The following NOC2L variants were observed in gnomAD, a reference collection of about 807,000 sequenced individuals.
The protein encoded by NOC2L is nucleolar complex protein 2 homolog.
NOC2L carries 101 observed loss-of-function variants against 94.2 expected under a neutral mutation model. The ratio of observed to expected loss-of-function variants is 1.07; its 90% CI spans 0.91 to 1.26. NOC2L has a LOEUF of 1.26. NOC2L is among the 50% of genes most tolerant of loss of function. The pLI, the probability that NOC2L is intolerant of heterozygous loss-of-function variation, is 0.00. For synonymous variants in NOC2L, 531 were observed against 413.4 expected (o/e 1.28, Z -3.45); for missense variants, 1,076 against 980.1 (o/e 1.10, Z -1.31).
At chr1:949,032 G>A (rs1239593969) in intron 12 of NOC2L, among the ~76,000 whole-genome samples, 1 of 103,520 alleles carries the variant, frequency 9.7e-6, no homozygotes, top group African/African-American at 3.3e-5. Context: ...CGAGCAACCA[G>A]AAGACGCAGC....
In NOC2L at chr1:945,253, C is replaced by G. The variant is rs544937132; in HGVS notation, c.2054-107G>C. The G allele has an allele frequency of 1.4e-6, 2 of 1,391,366 alleles. 1 individual carries two copies. The highest frequency in any genetic ancestry group is 2.7e-5 in the South Asian group (2 of 72,812). The allele number at this position is 1,391,366 out of a possible 1,614,324, so 86.2% of individuals were successfully genotyped here. ...CAGGCTCCCAACACCCTTCCCTCCG[C>G]TGACTTCCAGCAGGTGGAGAGGAGC... is the stretch of plus-strand genomic sequence containing the variant. On this transcript the variant is annotated intron_variant, in intron 17 of 18. Coordinates refer to ENST00000327044, the MANE Select transcript of NOC2L (RefSeq NM_015658.4).
At chr1:947,987 C>G (rs1315139637) in intron 14 of NOC2L, 144 bp downstream of exon 14, 3 of 666,624 alleles carry the variant, frequency 4.5e-6, no homozygotes, top group African/African-American at 1.8e-5. Context: ...TCCAAGGGGG[C>G]CTCACGGGGC....
At chr1:945,224 T>G (rs1569931512) in intron 17 of NOC2L, 78 bp from the exon 18 acceptor site, 1 of 1,507,982 alleles carries the variant, frequency 6.6e-7, no homozygotes, top group Non-Finnish European at 8.9e-7. Context: ...GGCAGGAGGG[T>G]GGCCAGGCTC....
chr1:958,052 C>T (rs1301081453), intron 2 of NOC2L: 1 of 151,312 alleles, frequency 6.6e-6, no homozygotes, highest in Admixed American at 6.6e-5. Flanking sequence ...TCTCAAACAA[C>T]CACCTCCGCT....
intron 4 of NOC2L, 148 bp downstream of exon 4, chr1:956,746 C>G (rs1557622979): frequency 2.6e-6 from 3 of 1,158,964 alleles, no homozygotes; most frequent in Non-Finnish European, 3.7e-6. Flanking sequence ...CCCCTCCCAC[C>G]AGCACAGCCT....
intron 2 of NOC2L, chr1:958,080 T>C (rs1181717399): frequency 7.1e-6 from 1 of 140,690 alleles, no homozygotes; most frequent in Admixed American, 7.0e-5. Flanking sequence ...TTTTTTTTTT[T>C]TCTCCTGAGG....
chr1:958,757 G>A (rs771273470), intron 2 of NOC2L, 172 bp downstream of exon 2: 5 of 748,588 alleles, frequency 6.7e-6, no homozygotes, highest in Admixed American at 2.0e-5. Flanking sequence ...AGTTTGGCAC[G>A]GAACAGGAGC....
intron 18 of NOC2L, 89 bp downstream of exon 18, chr1:944,968 C>G (rs1642052961): frequency 4.4e-6 from 7 of 1,592,246 alleles, no homozygotes; most frequent in Non-Finnish European, 6.0e-6. Flanking sequence ...AAAGCCTGGC[C>G]CAGAGCCCCA....
At chr1:947,986 G>A in intron 14 of NOC2L, 145 bp downstream of exon 14, 1 of 665,726 alleles carries the variant, frequency 1.5e-6, no homozygotes, top group East Asian at 2.7e-5. Context: ...CTCCAAGGGG[G>A]CCTCACGGGG....
In NOC2L at chr1:952,402, C is replaced by T. The variant is rs1288882379; in HGVS notation, c.1191+10G>A. On this transcript the variant is annotated intron_variant, in intron 10 of 18. Transcript: ENST00000327044. The stretch of plus-strand genomic sequence containing the variant: ...GCCCAGCATGAGCCTGGAAGGGCCC[C>T]ACCACACACCTTCTTGCGAGTGGTC... 1.2e-6 allele frequency: 2 copies of T among 1,612,284 alleles called. No homozygotes were observed. The highest frequency in any genetic ancestry group is 1.7e-6 in the Non-Finnish European group (2 of 1,179,294).
rs1343648805 is a variant in NOC2L, at chr1:945,022, A to G, written c.2143+35T>C. On this transcript the variant is annotated intron_variant, in intron 18 of 18. Coordinates refer to ENST00000327044, the MANE Select transcript of NOC2L (RefSeq NM_015658.4). ...CTCTGCCCTCCCGCCAGATGGGCTC[A>G]CAGGGCCACACCCTCTCACCCCAAG... 3 of 1,613,658 alleles carry G rather than the reference A, an allele frequency of 1.9e-6. No homozygotes were observed. In the Admixed American group the frequency reaches 5.0e-5, roughly 27 times the overall value.
chr1:950,514 G>A (rs931087396), intron 12 of NOC2L, among the ~76,000 whole-genome samples: 1 of 151,800 alleles, frequency 6.6e-6, no homozygotes, highest in Non-Finnish European at 1.5e-5. Flanking sequence ...CACATGCACA[G>A]GTGCACACAC....
chr1:957,087 C>A lies in NOC2L; in HGVS notation c.354+12G>T. Reference sequence around the variant, plus strand: ...ACAAGTGCCCCCCTTCTGGTTTGGCCCACGCCCTCACCTCCAGCACATCTG... The same window carrying A: ...ACAAGTGCCCCCCTTCTGGTTTGGCACACGCCCTCACCTCCAGCACATCTG... On this transcript the variant is annotated intron_variant, in intron 3 of 18. Coordinates refer to ENST00000327044, the MANE Select transcript of NOC2L (RefSeq NM_015658.4). 6.2e-7 allele frequency: 1 copy of A among 1,614,004 alleles called. No individual in the cohort carries two copies. The highest frequency in any genetic ancestry group is 8.5e-7 in the Non-Finnish European group (1 of 1,179,992).
In NOC2L at chr1:956,205, G is replaced by A; in HGVS notation, c.497C>T (p.Thr166Ile). ...RWKQAAKQRL[T>I]PKLFHEVVQA... Reference sequence around the variant, plus strand: ...TACCACTTCATGGAACAGCTTTGGAGTGAGGCGTTGCTGAAGGAGCAAGAG... The same window carrying A: ...TACCACTTCATGGAACAGCTTTGGAATGAGGCGTTGCTGAAGGAGCAAGAG... The change falls in exon 5 of 19, where the codon ACT (threonine) becomes ATT (isoleucine). Residue 166 changes from threonine (T) to isoleucine (I), a missense_variant. Around this residue, in one of 3 missense-constraint regions of NOC2L, gnomAD observed 457 missense variants for 386.0 expected, o/e 1.18. Coordinates refer to ENST00000327044, the MANE Select transcript of NOC2L (RefSeq NM_015658.4). The A allele has an allele frequency of 3.1e-6, 5 of 1,613,682 alleles. No homozygotes were observed. Among genetic ancestry groups the A allele is most frequent in the South Asian group, 1.1e-5 (1 of 91,082 alleles).
At position 953,845 on chromosome 1, in the gene NOC2L, C is replaced by A. The variant is rs762929050; in HGVS notation, c.825G>T (p.Arg275=). The A allele has an allele frequency of 3.1e-6, 5 of 1,613,094 alleles. No homozygotes were observed. The South Asian group carries it at 5.5e-5, about 18-fold the overall frequency. ...AGCAGGGCACCAGCACGCTGATGTG[C>A]CGCAGCACGGCCGCCAACACCGTCG... The part of the protein sequence containing the change: ...SETTVLAAVL[R]HISVLVPCFL... Residue 275 remains arginine, a synonymous_variant, in exon 8 of 19, where the codon CGG becomes CGT. Coordinates refer to ENST00000327044, the MANE Select transcript of NOC2L (RefSeq NM_015658.4).
At position 959,094 on chromosome 1, in the gene NOC2L, C is replaced by T. The variant is rs1347799942; in HGVS notation, c.27-13G>A. On this transcript the variant is annotated splice_polypyrimidine_tract_variant and intron_variant, in intron 1 of 18. Coordinates refer to ENST00000327044, the MANE Select transcript of NOC2L (RefSeq NM_015658.4). ...CTCCGCCAGGCGCCTGCGGGTCACG[C>T]AGGAGTCACAGCTGCCCGCACGCCC... The T allele has an allele frequency of 5.6e-6, 9 of 1,609,318 alleles. No homozygotes were observed. Among genetic ancestry groups the T allele is most frequent in the Non-Finnish European group, 7.6e-6 (9 of 1,177,484 alleles).
chr1:953,790 G>T lies in NOC2L; in HGVS notation c.880C>A (p.Leu294Met), dbSNP rs1642324025. Residue 294 changes from leucine (L) to methionine (M), a missense_variant, in exon 8 of 19, where the codon CTG becomes ATG. Coordinates refer to ENST00000327044, the MANE Select transcript of NOC2L (RefSeq NM_015658.4). Reference sequence around the variant, plus strand: ...GGGACTGGGCCACGAACCTTGAGCAGCATGCGGCACTGCTTGGGGAAGGTC... The same window carrying T: ...GGGACTGGGCCACGAACCTTGAGCATCATGCGGCACTGCTTGGGGAAGGTC... ...FLTFPKQCRM[L>M]LKRMVIVWST... 2.5e-6 allele frequency: 4 copies of T among 1,611,614 alleles called. No homozygotes were observed. Among genetic ancestry groups the T allele is most frequent in the South Asian group, 1.1e-5 (1 of 91,044 alleles).
At chr1:953,741 C>A in intron 8 of NOC2L, 41 bp downstream of exon 8, 6 of 1,478,794 alleles carry the variant, frequency 4.1e-6, no homozygotes, top group South Asian at 1.1e-5. Context: ...TGTGGCCCCC[C>A]GACCCCATGA....
chr1:946,067 G>T, intron 16 of NOC2L, 106 bp downstream of exon 16: 1 of 853,920 alleles, frequency 1.2e-6, no homozygotes, highest in Non-Finnish European at 1.9e-6. Context: ...GGCCCTGGCC[G>T]CCTGGCACTG....
Sources: allele counts gnomAD v4.1 joint callset (sites outside exome capture counted in the v4.1 genomes callset), GRCh38; gene constraint gnomAD v4.1.1; regional missense constraint gnomAD v4.1.1; transcripts MANE v1.5; gene names NCBI Gene and HGNC (gene_info 2026-07-23, HGNC 2026-07-21).